The following SLC44A5 variants were observed in gnomAD, a reference collection of about 807,000 sequenced individuals.
The protein encoded by SLC44A5 is solute carrier family 44 member 5, also known as choline transporter-like protein 5.
In SLC44A5, 57 loss-of-function variants were observed where a neutral mutation model predicts 101.8. The ratio of observed to expected loss-of-function variants is 0.56; its 90% CI spans 0.45 to 0.70. The LOEUF (loss-of-function observed/expected upper bound fraction) is 0.70. SLC44A5 is among the 30% of genes least tolerant of loss of function. SLC44A5 has a pLI of 0.00. For missense variants in SLC44A5, 737 were observed against 853.1 expected (o/e 0.86, Z 1.70); for synonymous variants, 281 against 290.9 (o/e 0.97, Z 0.35).
chr1:75,563,903 T>C (rs1431794857), intron 1 of SLC44A5, among the ~76,000 whole-genome samples: 2 of 152,152 alleles, frequency 1.3e-5, no homozygotes, highest in African/African-American at 4.8e-5. Flanking sequence ...CAAAAAGTTA[T>C]ATTGGAAAAG....
At chr1:75,604,491 T>C (rs1266367045) in intron 1 of SLC44A5, among the ~76,000 whole-genome samples, 1 of 152,156 alleles carries the variant, frequency 6.6e-6, no homozygotes, top group Non-Finnish European at 1.5e-5. Context: ...ACTTTGCCTA[T>C]TTGGGCTCTT....
intron 7 of SLC44A5, among the ~76,000 whole-genome samples, chr1:75,244,945 G>C (rs1648979979): frequency 6.6e-6 from 1 of 151,918 alleles, no homozygotes. Context: ...ATTCTCATTG[G>C]CCAAATTGTA....
intron 2 of SLC44A5, among the ~76,000 whole-genome samples, chr1:75,456,460 C>T (rs373109591): frequency 2.0e-5 from 3 of 152,268 alleles, no homozygotes; most frequent in South Asian, 4.1e-4. Context: ...ACACAAAATA[C>T]CCAGGTAACA....
chr1:75,221,190 T>A (rs1214806906), intron 14 of SLC44A5, among the ~76,000 whole-genome samples: 1 of 152,228 alleles, frequency 6.6e-6, no homozygotes, highest in African/African-American at 2.4e-5. Context: ...CAGGTGGCAC[T>A]ATTATAATAA....
intron 2 of SLC44A5, among the ~76,000 whole-genome samples, chr1:75,527,717 CAA>C (rs35014234): frequency 0.011 from 1,587 of 149,582 alleles, 23 homozygotes; most frequent in African/African-American, 0.035. Flanking sequence ...AGCACTGAGG[CAA>C]AAAAAAAAAA....
intron 1 of SLC44A5, among the ~76,000 whole-genome samples, chr1:75,552,993 AC>A (rs1334043876): frequency 2.0e-5 from 3 of 152,138 alleles, no homozygotes; most frequent in Non-Finnish European, 2.9e-5. Flanking sequence ...AGAAATCAGG[AC>A]ACCAGTTCAA....
At chr1:75,238,092 T>C (rs962844080) in intron 10 of SLC44A5, among the ~76,000 whole-genome samples, 1 of 151,868 alleles carries the variant, frequency 6.6e-6, no homozygotes, top group African/African-American at 2.4e-5. Flanking sequence ...CACACTTCTA[T>C]ACCTGTTGAT....
intron 5 of SLC44A5, among the ~76,000 whole-genome samples, chr1:75,292,547 T>C (rs539200699): frequency 6.6e-6 from 1 of 152,308 alleles, no homozygotes; most frequent in South Asian, 2.1e-4. Context: ...CACTCCCCTT[T>C]TTAGTCTATA....
chr1:75,276,216 G>A (rs116558444), intron 5 of SLC44A5, among the ~76,000 whole-genome samples: 1,596 of 152,082 alleles, frequency 0.01, 37 homozygotes, highest in African/African-American at 0.036. Context: ...TGACTCATTC[G>A]GGTAGCTCTC....
the SLC44A5 span, among the ~76,000 whole-genome samples, chr1:75,637,148 C>T: frequency 6.6e-6 from 1 of 151,936 alleles, no homozygotes; most frequent in Admixed American, 6.6e-5. Flanking sequence ...GAGCCAGCAA[C>T]TCCATTCCTC....
intron 6 of SLC44A5, among the ~76,000 whole-genome samples, chr1:75,269,085 A>T (rs1281044292): frequency 6.6e-6 from 1 of 152,084 alleles, no homozygotes; most frequent in Non-Finnish European, 1.5e-5. Context: ...TTTTCTCCTC[A>T]CTCTGGCCAA....
intron 23 of SLC44A5, among the ~76,000 whole-genome samples, chr1:75,209,729 T>C (rs1646816791): frequency 6.6e-6 from 1 of 152,220 alleles, no homozygotes; most frequent in South Asian, 2.1e-4. Flanking sequence ...CCTATAGTTA[T>C]CGTCTCTCTT....
chr1:75,456,726 C>T (rs577343742), intron 2 of SLC44A5, among the ~76,000 whole-genome samples: 27 of 152,236 alleles, frequency 1.8e-4, no homozygotes, highest in Non-Finnish European at 7.4e-5. Context: ...CATTAAAATG[C>T]CTTTATTCCA....
chr1:75,385,472 TTCC>T (rs1216646834), intron 3 of SLC44A5, among the ~76,000 whole-genome samples: 1 of 152,034 alleles, frequency 6.6e-6, no homozygotes, highest in Admixed American at 6.6e-5. Context: ...AATGGATAAA[TTCC>T]TCGACACATA....
intron 2 of SLC44A5, among the ~76,000 whole-genome samples, chr1:75,444,483 G>GAAGAAAGAAAGAAGAAAGAAAGA (rs1553181288): frequency 2.1e-5 from 3 of 140,656 alleles, no homozygotes; most frequent in African/African-American, 8.0e-5. Context: ...GAGAAAGAAA[G>GAAGAAAGAAAGAAGAAAGAAAGA]AAGAAAGAAA....
chr1:75,239,499 AG>A (rs569423034), intron 9 of SLC44A5, among the ~76,000 whole-genome samples: 2 of 152,148 alleles, frequency 1.3e-5, no homozygotes, highest in South Asian at 4.1e-4. Context: ...AAGAAGAAAT[AG>A]GTCTCTTTAA....
At chr1:75,680,963 A>G in the SLC44A5 span, among the ~76,000 whole-genome samples, 736 of 150,626 alleles carry the variant, frequency 4.9e-3, 5 homozygotes, top group African/African-American at 0.017. Context: ...ACAAACTACC[A>G]TCAGAGAATA....
At chr1:75,571,261 G>A (rs910052859) in intron 1 of SLC44A5, among the ~76,000 whole-genome samples, 2 of 152,008 alleles carry the variant, frequency 1.3e-5, no homozygotes, top group African/African-American at 4.8e-5. Flanking sequence ...AGTCTTACAA[G>A]ACAAAACCAG....
At chr1:75,644,123 A>C in the SLC44A5 span, among the ~76,000 whole-genome samples, 5 of 152,210 alleles carry the variant, frequency 3.3e-5, no homozygotes, top group African/African-American at 9.6e-5. Flanking sequence ...CAAAGCAATA[A>C]ATATGCAAGA....
Sources: allele counts gnomAD v4.1 joint callset (sites outside exome capture counted in the v4.1 genomes callset), GRCh38; gene constraint gnomAD v4.1.1; transcripts MANE v1.5; gene names NCBI Gene and HGNC (gene_info 2026-07-23, HGNC 2026-07-21).